Variants in PALM2AKAP2 observed in about 807,000 individuals in gnomAD.
PALM2AKAP2 encodes the protein PALM2-AKAP2 fusion protein.
A neutral mutation model predicts 71.5 loss-of-function variants in PALM2AKAP2; 37 were observed. The observed-to-expected ratio is 0.52, with a 90% CI of 0.40 to 0.68. The LOEUF is 0.68. Ranked by LOEUF, PALM2AKAP2 falls within the 30% of genes least tolerant of loss-of-function variation. The pLI is 0.00. For synonymous variants in PALM2AKAP2, 468 were observed against 478.8 expected (o/e 0.98, Z 0.29); for missense variants, 1,224 against 1,191.8 (o/e 1.03, Z -0.40).
intron 7 of PALM2AKAP2, among the ~76,000 whole-genome samples, chr9:110,027,283 C>T (rs1313111244): frequency 6.6e-6 from 1 of 152,070 alleles, no homozygotes; most frequent in Non-Finnish European, 1.5e-5. Context: ...TTTTGTTTAT[C>T]CAACGACTGG....
intron 6 of PALM2AKAP2, among the ~76,000 whole-genome samples, chr9:109,978,995 T>A (rs1276697687): frequency 1.3e-5 from 2 of 151,900 alleles, no homozygotes; most frequent in Non-Finnish European, 2.9e-5. Flanking sequence ...GCCTTCTTTT[T>A]TTTTTTTCTT....
intron 1 of PALM2AKAP2, among the ~76,000 whole-genome samples, chr9:110,091,424 C>A: frequency 8.2e-6 from 1 of 122,076 alleles, no homozygotes; most frequent in African/African-American, 3.2e-5. Flanking sequence ...GTGTGTGTGT[C>A]TGTGTGATGG....
At chr9:109,920,170 G>A (rs1830793564) in intron 3 of PALM2AKAP2, among the ~76,000 whole-genome samples, 1 of 152,188 alleles carries the variant, frequency 6.6e-6, no homozygotes, top group Admixed American at 6.5e-5. Context: ...GCCTCTGCTT[G>A]TGTCTTATCT....
chr9:109,953,394 A>C (rs1293248677), intron 6 of PALM2AKAP2, among the ~76,000 whole-genome samples: 1 of 152,216 alleles, frequency 6.6e-6, no homozygotes, highest in East Asian at 1.9e-4. Context: ...CCTTTTATAC[A>C]TGAGGAAACT....
At chr9:110,088,245 T>TA (rs5899877) in intron 1 of PALM2AKAP2, among the ~76,000 whole-genome samples, 43,189 of 151,856 alleles carry the variant, frequency 0.28, 8,035 homozygotes, top group African/African-American at 0.53. Context: ...ATGCCCTATG[T>TA]AATGAAGTAG....
At chr9:109,925,590 A>G (rs960039762) in intron 5 of PALM2AKAP2, among the ~76,000 whole-genome samples, 9 of 152,244 alleles carry the variant, frequency 5.9e-5, no homozygotes, top group Admixed American at 5.9e-4. Flanking sequence ...TCATAGAAAC[A>G]GGGCTGGGCA....
intron 1 of PALM2AKAP2, among the ~76,000 whole-genome samples, chr9:109,848,088 G>A (rs1467684759): frequency 6.6e-6 from 1 of 152,230 alleles, no homozygotes; most frequent in African/African-American, 2.4e-5. Flanking sequence ...TGTGTTGGGT[G>A]GGGTCACAAA....
rs944147449 is a variant in PALM2AKAP2, at chr9:110,052,397, A to G, written c.156+3542A>G. Reference sequence around the variant, plus strand: ...GAGTTAAGGTAATCCATATACATGTATATCTTACTTTGTAAAATAATCCCC... The same window carrying G: ...GAGTTAAGGTAATCCATATACATGTGTATCTTACTTTGTAAAATAATCCCC... On this transcript the variant is annotated intron_variant, in intron 1 of 3. Transcript: ENST00000374525. Among the ~76,000 whole-genome samples, 3 of 152,244 alleles carry G rather than the reference A, an allele frequency of 2.0e-5. No individual in the cohort carries two copies. In the South Asian group the frequency reaches 6.2e-4, roughly 31 times the overall value.
exon 4 of PALM2AKAP2, chr9:109,923,849 G>C: frequency 6.3e-7 from 1 of 1,577,278 alleles, no homozygotes; most frequent in Non-Finnish European, 8.6e-7. Flanking sequence ...ACTTTCAGAA[G>C]GTGAAGAAAA....
intron 1 of PALM2AKAP2, among the ~76,000 whole-genome samples, chr9:109,663,957 C>G (rs887401297): frequency 6.6e-6 from 1 of 152,084 alleles, no homozygotes. Flanking sequence ...TTCTTTGTCT[C>G]TTTTGATCTT....
chr9:109,869,880 T>C (rs1278118107), intron 2 of PALM2AKAP2, among the ~76,000 whole-genome samples: 1 of 151,750 alleles, frequency 6.6e-6, no homozygotes, highest in African/African-American at 2.4e-5. Flanking sequence ...AGGAGGTGGG[T>C]GAGGTGGGGA....
chr9:110,003,537 C>G (rs941621057), intron 6 of PALM2AKAP2, among the ~76,000 whole-genome samples: 5 of 152,122 alleles, frequency 3.3e-5, no homozygotes, highest in Non-Finnish European at 5.9e-5. Flanking sequence ...CTGTAGATGT[C>G]TATTAGGTCC....
rs575343856 is a variant in PALM2AKAP2, at chr9:109,931,937, T to C, written c.405T>C (p.Asn135=). 11 of 1,613,990 alleles carry C rather than the reference T, an allele frequency of 6.8e-6. No homozygotes were observed. In the East Asian group the frequency reaches 2.0e-4, roughly 29 times the overall value. ...GTTCTCTGCTACCAGATGCAGTAAATTACATTTCCTCCCAGCTTCCCGACC... is the reference window on the plus strand; with the variant it reads ...GTTCTCTGCTACCAGATGCAGTAAACTACATTTCCTCCCAGCTTCCCGACC... Residue 135 remains asparagine, a synonymous_variant, in exon 6 of 10, where the codon AAT becomes AAC. Coordinates refer to the PALM2AKAP2 transcript ENST00000302798.
At chr9:110,006,760 G>A (rs1374844060) in intron 6 of PALM2AKAP2, among the ~76,000 whole-genome samples, 1 of 152,122 alleles carries the variant, frequency 6.6e-6, no homozygotes, top group Admixed American at 6.5e-5. Flanking sequence ...CAATCTACAT[G>A]TGCATCCTCT....
rs1171041000 is a variant in PALM2AKAP2 at position 110,019,194 on chromosome 9, TGC to T, written c.582+3158_582+3159del. 4.2e-5 allele frequency among the ~76,000 whole-genome samples: 6 copies of T among 142,566 alleles called. No individual in the cohort carries two copies. The Middle Eastern group carries it at 0.018, about 437-fold the overall frequency. 93.5% of individuals were successfully genotyped at this position (142,566 alleles called of 152,430 possible). A position where few individuals can be genotyped will look rare whatever the true frequency, so the allele number is the denominator to read the frequency against. On this transcript the variant is annotated intron_variant, in intron 7 of 9. Coordinates refer to the PALM2AKAP2 transcript ENST00000302798. Reference sequence around the variant, plus strand: ...GGCAGAGATTGCCGTGAGCCGAGTCTGCGCCACTGCACTCCAGCCTGGCAAAA... The same window carrying T: ...GGCAGAGATTGCCGTGAGCCGAGTCTGCCACTGCACTCCAGCCTGGCAAAA...
chr9:110,080,239 T>C (rs1381006845), intron 1 of PALM2AKAP2, among the ~76,000 whole-genome samples: 1 of 152,142 alleles, frequency 6.6e-6, no homozygotes, highest in Non-Finnish European at 1.5e-5. Context: ...ATCACCGCTG[T>C]TAACCTACTG....
intron 6 of PALM2AKAP2, among the ~76,000 whole-genome samples, chr9:109,981,630 A>T (rs908704178): frequency 6.6e-6 from 1 of 152,170 alleles, no homozygotes; most frequent in Non-Finnish European, 1.5e-5. Context: ...GCTGAGAGGG[A>T]GGTTTTGTTT....
chr9:109,847,929 CA>C (rs1828908274), intron 1 of PALM2AKAP2, among the ~76,000 whole-genome samples: 1 of 152,158 alleles, frequency 6.6e-6, no homozygotes, highest in African/African-American at 2.4e-5. Flanking sequence ...CCACCTTTTA[CA>C]GAAAAATTAA....
At chr9:110,083,146 A>G (rs1053106936) in intron 1 of PALM2AKAP2, among the ~76,000 whole-genome samples, 1 of 152,140 alleles carries the variant, frequency 6.6e-6, no homozygotes, top group Admixed American at 6.5e-5. Context: ...GGTCTCAAAA[A>G]AAGCAAAAAA....
Sources: allele counts gnomAD v4.1 joint callset (sites outside exome capture counted in the v4.1 genomes callset), GRCh38; gene constraint gnomAD v4.1.1; transcripts MANE v1.5; gene names NCBI Gene and HGNC (gene_info 2026-07-23, HGNC 2026-07-21).